MALRD1: variants seen among roughly 807,000 people sequenced by gnomAD.
MALRD1 encodes MAM and LDL-receptor class A domain-containing protein 1.
MALRD1 carries 247 observed loss-of-function variants against 242.1 expected under a neutral mutation model. The ratio of observed to expected loss-of-function variants is 1.02; its 90% confidence interval spans 0.92 to 1.13. The LOEUF (loss-of-function observed/expected upper bound fraction) is 1.13, where lower values mean the gene tolerates loss of function less well. MALRD1 is among the 50% of genes most tolerant of loss of function. The pLI is 0.00. For missense variants in MALRD1, 2,989 were observed against 2,533.1 expected (o/e 1.18, Z -3.86); for synonymous variants, 995 against 866.6 (o/e 1.15, Z -2.60).
Position 19,088,125 on chromosome 10 carries a change from T to G in MALRD1, c.537T>G (p.Ala179=). 2 of 1,233,550 alleles carry G rather than the reference T, an allele frequency of 1.6e-6. No homozygotes were observed. The highest frequency in any genetic ancestry group is 2.0e-6 in the Non-Finnish European group (2 of 987,898). The allele number at this position is 1,233,550 out of a possible 1,614,324, so 76.4% of individuals were successfully genotyped here. A position where few individuals can be genotyped will look rare whatever the true frequency, so the allele number is the denominator to read the frequency against. ...GPIQHLWQNT[A]ALPNQWERNV... ...TTCAGCATTTATGGCAAAACACAGC[T>G]GCACTCCCAAATCAGTGGGAGAGAA... The change falls in exon 4 of 40, where the codon GCT becomes GCG. Residue 179 remains alanine, a synonymous_variant. Coordinates refer to ENST00000454679, the MANE Select transcript of MALRD1 (RefSeq NM_001142308.3).
chr10:19,366,449 G>T (rs780225154), intron 26 of MALRD1, among the ~76,000 whole-genome samples: 1 of 152,056 alleles, frequency 6.6e-6, no homozygotes, highest in Non-Finnish European at 1.5e-5. Context: ...TCACTTGCCC[G>T]CTGCTCACCT....
intron 18 of MALRD1, among the ~76,000 whole-genome samples, chr10:19,244,679 A>G (rs1405853896): frequency 2.0e-5 from 3 of 152,202 alleles, no homozygotes; most frequent in Admixed American, 6.5e-5. Flanking sequence ...TGCATTTTCT[A>G]TGAAGCCAGC....
intron 38 of MALRD1, among the ~76,000 whole-genome samples, chr10:19,719,071 G>A (rs1388242721): frequency 1.3e-5 from 2 of 150,288 alleles, no homozygotes; most frequent in South Asian, 2.1e-4. Context: ...GCTGAGTAGG[G>A]AGGATTGCGT....
intron 21 of MALRD1, among the ~76,000 whole-genome samples, 179 bp downstream of exon 21, chr10:19,283,360 A>C (rs1840917460): frequency 1.3e-5 from 2 of 152,300 alleles, no homozygotes; most frequent in East Asian, 1.9e-4. Context: ...AAAGCAATGA[A>C]TGCTCTTGTG....
chr10:19,499,314 T>C (rs948869403), intron 31 of MALRD1, among the ~76,000 whole-genome samples: 1 of 152,100 alleles, frequency 6.6e-6, no homozygotes, highest in Non-Finnish European at 1.5e-5. Flanking sequence ...ATCTAAGATA[T>C]TTGTGATGCT....
intron 35 of MALRD1, among the ~76,000 whole-genome samples, chr10:19,608,718 G>A (rs1285001784): frequency 6.6e-6 from 1 of 152,056 alleles, no homozygotes; most frequent in African/African-American, 2.4e-5. Flanking sequence ...TATGTTGTAA[G>A]AATGATAATT....
At chr10:19,097,228 C>A (rs1292373363) in intron 4 of MALRD1, among the ~76,000 whole-genome samples, 1 of 152,094 alleles carries the variant, frequency 6.6e-6, no homozygotes, top group Non-Finnish European at 1.5e-5. Context: ...TACTAAATCC[C>A]ATACCAGCTT....
At chr10:19,306,125 A>ATATATACTATATAG (rs1564546915) in intron 21 of MALRD1, among the ~76,000 whole-genome samples, 2 of 82,530 alleles carry the variant, frequency 2.4e-5, no homozygotes, top group African/African-American at 5.9e-5. Context: ...ACTATCTAGT[A>ATATATACTATATAG]TATATAGTAT....
chr10:19,382,792 A>G (rs1465082766), intron 26 of MALRD1, among the ~76,000 whole-genome samples: 1 of 152,174 alleles, frequency 6.6e-6, no homozygotes, highest in Admixed American at 6.5e-5. Flanking sequence ...GTTTAACAAC[A>G]TAGATACTTA....
chr10:19,627,111 G>C (rs1839687698), intron 36 of MALRD1, among the ~76,000 whole-genome samples: 1 of 152,060 alleles, frequency 6.6e-6, no homozygotes, highest in African/African-American at 2.4e-5. Context: ...GGATGAGTTG[G>C]AATATGTAAT....
At chr10:19,132,560 G>T (rs769232875) in intron 8 of MALRD1, among the ~76,000 whole-genome samples, 5 of 152,148 alleles carry the variant, frequency 3.3e-5, no homozygotes, top group Non-Finnish European at 7.4e-5. Flanking sequence ...TCTTGGGCAT[G>T]CATAAATTAT....
chr10:19,696,562 A>G (rs1219120982), intron 38 of MALRD1, among the ~76,000 whole-genome samples: 1 of 152,092 alleles, frequency 6.6e-6, no homozygotes, highest in East Asian at 1.9e-4. Flanking sequence ...TAGCAAGGTT[A>G]TTATAGAATT....
intron 28 of MALRD1, among the ~76,000 whole-genome samples, chr10:19,397,847 C>A (rs1386998087): frequency 6.6e-6 from 1 of 151,864 alleles, no homozygotes; most frequent in African/African-American, 2.4e-5. Context: ...AATAGCCATT[C>A]TAACAGGCAT....
At chr10:19,081,152 T>C (rs1481586398) in intron 2 of MALRD1, among the ~76,000 whole-genome samples, 1 of 152,104 alleles carries the variant, frequency 6.6e-6, no homozygotes, top group Non-Finnish European at 1.5e-5. Context: ...AAGGAATGCT[T>C]TACATAGTGG....
intron 11 of MALRD1, among the ~76,000 whole-genome samples, chr10:19,146,911 G>A (rs915020669): frequency 2.6e-5 from 4 of 152,238 alleles, no homozygotes; most frequent in African/African-American, 9.6e-5. Context: ...AAGTGTCTGT[G>A]AAACTCCAAT....
chr10:19,643,398 A>G (rs1840490834), intron 36 of MALRD1, among the ~76,000 whole-genome samples: 1 of 152,208 alleles, frequency 6.6e-6, no homozygotes, highest in Non-Finnish European at 1.5e-5. Flanking sequence ...GTGAGCCGAG[A>G]CTGTGCCAAC....
intron 2 of MALRD1, among the ~76,000 whole-genome samples, chr10:19,074,762 T>C (rs1185283704): frequency 1.3e-5 from 2 of 152,098 alleles, no homozygotes; most frequent in Admixed American, 6.6e-5. Flanking sequence ...TTGCTTTTCA[T>C]TTGGCAGCAA....
At chr10:19,468,016 A>T (rs2358402) in intron 29 of MALRD1, among the ~76,000 whole-genome samples, 123,787 of 152,022 alleles carry the variant, frequency 0.81, 50,600 homozygotes, top group East Asian at 1. Context: ...CTGGTCTCAA[A>T]GTCCTGACCT....
intron 18 of MALRD1, among the ~76,000 whole-genome samples, chr10:19,211,306 G>C (rs924198207): frequency 2.0e-5 from 3 of 151,832 alleles, no homozygotes; most frequent in Non-Finnish European, 4.4e-5. Flanking sequence ...TTTATCTAAG[G>C]CTCCTTTTAG....
Sources: allele counts gnomAD v4.1 joint callset (sites outside exome capture counted in the v4.1 genomes callset), GRCh38; gene constraint gnomAD v4.1.1; transcripts MANE v1.5; gene names NCBI Gene and HGNC (gene_info 2026-07-23, HGNC 2026-07-21).